Variants in COL25A1 observed in about 807,000 individuals in gnomAD.
The protein encoded by COL25A1 is collagen alpha-1(XXV) chain.
Under a neutral mutation model 128.4 loss-of-function variants are expected in COL25A1, and 103 were observed. The ratio of observed to expected loss-of-function variants is 0.80; its 90% CI spans 0.68 to 0.94. The LOEUF (loss-of-function observed/expected upper bound fraction) is 0.94, where lower values mean the gene tolerates loss of function less well. Ranked by LOEUF, COL25A1 falls within the 40% of genes least tolerant of loss-of-function variation. The probability of loss-of-function intolerance (pLI) is 0.00; values close to 1 mark genes in which losing one functional copy is unlikely to be tolerated. For missense variants in COL25A1, 745 were observed against 840.0 expected (o/e 0.89, Z 1.40); for synonymous variants, 279 against 277.2 (o/e 1.01, Z -0.06).
chr4:108,859,663 G>A lies in COL25A1; in HGVS notation c.1313C>T (p.Ala438Val). The stretch of plus-strand genomic sequence containing the variant: ...CAGGGACCAGTCACTTGCCTGTAAG[G>A]CTTCGTGGAGGTTGCCGTTGTAGTC... ...IIDYNGNLHE[A>V]LQRITTLTVT... The change falls in exon 24 of 38, where the codon GCC becomes GTC. Residue 438 changes from alanine to valine, a missense_variant. This residue lies in a region of COL25A1 where 387 missense variants were observed against 441.9 expected (regional missense o/e 0.88). Transcript: ENST00000399132. 6.2e-7 allele frequency: 1 copy of A among 1,613,542 alleles called. No individual in the cohort carries two copies. The highest frequency in any genetic ancestry group is 8.5e-7 in the Non-Finnish European group (1 of 1,179,778).
intron 3 of COL25A1, among the ~76,000 whole-genome samples, chr4:109,090,430 T>C (rs1040009282): frequency 2.0e-5 from 3 of 152,206 alleles, no homozygotes; most frequent in African/African-American, 7.2e-5. Flanking sequence ...GTATCTGTCA[T>C]CAGTCATTCT....
intron 22 of COL25A1, among the ~76,000 whole-genome samples, chr4:108,861,607 T>A (rs561779453): frequency 1.5e-4 from 23 of 152,274 alleles, no homozygotes; most frequent in Non-Finnish European, 2.9e-4. Context: ...CTTTTTTCAA[T>A]GCAATAGGAA....
intron 6 of COL25A1, among the ~76,000 whole-genome samples, chr4:108,997,896 CAGA>C (rs1464713183): frequency 1.3e-5 from 2 of 152,120 alleles, no homozygotes; most frequent in Non-Finnish European, 2.9e-5. Context: ...TCAATTGATG[CAGA>C]AAAGGCTTTA....
chr4:109,248,411 T>G (rs751742400), intron 3 of COL25A1, among the ~76,000 whole-genome samples: 11 of 152,192 alleles, frequency 7.2e-5, no homozygotes, highest in South Asian at 6.2e-4. Context: ...AGGGCAATTG[T>G]GTTGATGAAG....
chr4:109,250,369 T>TACACACACACACACACAC (rs61574026), intron 3 of COL25A1, among the ~76,000 whole-genome samples: 24,450 of 134,510 alleles, frequency 0.18, 2,516 homozygotes, highest in South Asian at 0.26. Flanking sequence ...AAGTAGGAGA[T>TACACACACACACACACAC]ACACACACAC....
At chr4:108,894,450 C>T (rs773747815) in intron 16 of COL25A1, among the ~76,000 whole-genome samples, 22 of 151,916 alleles carry the variant, frequency 1.4e-4, no homozygotes, top group African/African-American at 4.1e-4. Flanking sequence ...CAGTTGGCCA[C>T]CTGCAAGACC....
intron 8 of COL25A1, among the ~76,000 whole-genome samples, chr4:108,969,121 A>C (rs896455582): frequency 2.0e-5 from 3 of 152,176 alleles, no homozygotes; most frequent in Non-Finnish European, 2.9e-5. Context: ...TATCAGTGTC[A>C]GCCCTGATTT....
intron 18 of COL25A1, 134 bp from the exon 19 acceptor site, chr4:108,884,356 T>G: frequency 1.3e-6 from 1 of 742,966 alleles, no homozygotes; most frequent in Non-Finnish European, 2.2e-6. Context: ...TTTCAAAAAC[T>G]TTGATGAGAT....
chr4:108,906,457 TA>T (rs2125874931), intron 13 of COL25A1, among the ~76,000 whole-genome samples: 1 of 152,312 alleles, frequency 6.6e-6, no homozygotes, highest in Non-Finnish European at 1.5e-5. Flanking sequence ...TATAAAGGCA[TA>T]TGCCTGTGCC....
chr4:109,175,147 T>C (rs982998431), intron 3 of COL25A1, among the ~76,000 whole-genome samples: 1 of 152,140 alleles, frequency 6.6e-6, no homozygotes, highest in African/African-American at 2.4e-5. Context: ...GGACCTCTGT[T>C]ATAGACCATC....
chr4:109,229,256 T>C (rs1000121052), intron 3 of COL25A1, among the ~76,000 whole-genome samples: 1 of 152,238 alleles, frequency 6.6e-6, no homozygotes, highest in Non-Finnish European at 1.5e-5. Context: ...TTCTTGTTAT[T>C]TGCAAAAGTT....
chr4:109,197,191 C>T (rs535698458), intron 3 of COL25A1, among the ~76,000 whole-genome samples: 17 of 149,550 alleles, frequency 1.1e-4, no homozygotes, highest in African/African-American at 2.5e-4. Flanking sequence ...CCAGGTGTGG[C>T]GGTGCATGCC....
chr4:108,832,904 CTG>C (rs775960332), intron 31 of COL25A1, among the ~76,000 whole-genome samples: 2 of 151,586 alleles, frequency 1.3e-5, no homozygotes, highest in African/African-American at 4.8e-5. Flanking sequence ...GAGGCTGAGA[CTG>C]TAGTGAGCCA....
chr4:108,843,622 C>T (rs929762499), intron 30 of COL25A1, among the ~76,000 whole-genome samples: 2 of 152,206 alleles, frequency 1.3e-5, no homozygotes, highest in Non-Finnish European at 2.9e-5. Flanking sequence ...CTGCAGTTAA[C>T]ACTGGCCCTG....
intron 3 of COL25A1, among the ~76,000 whole-genome samples, chr4:109,216,986 GA>G (rs1270350207): frequency 6.6e-6 from 1 of 152,032 alleles, no homozygotes; most frequent in Non-Finnish European, 1.5e-5. Flanking sequence ...TTTTAAAAAG[GA>G]AATTCTTAGA....
intron 3 of COL25A1, among the ~76,000 whole-genome samples, chr4:109,250,306 G>A (rs1780559770): frequency 6.7e-6 from 1 of 149,454 alleles, no homozygotes; most frequent in Admixed American, 6.7e-5. Context: ...ATATCTGGGG[G>A]GGGAGGTAAA....
intron 5 of COL25A1, among the ~76,000 whole-genome samples, chr4:109,046,489 C>T (rs575729693): frequency 3.6e-4 from 55 of 152,308 alleles, no homozygotes; most frequent in African/African-American, 1.2e-3. Flanking sequence ...AAGCCTTGAA[C>T]ACTCTACTCC....
chr4:109,039,549 T>C (rs1430281784), intron 5 of COL25A1, among the ~76,000 whole-genome samples: 1 of 152,138 alleles, frequency 6.6e-6, no homozygotes, highest in African/African-American at 2.4e-5. Context: ...CCCCTCCACA[T>C]CTAAATCTGG....
intron 6 of COL25A1, among the ~76,000 whole-genome samples, chr4:109,010,059 C>T (rs187935091): frequency 5.3e-5 from 8 of 152,314 alleles, no homozygotes; most frequent in East Asian, 1.9e-4. Context: ...AGTTCATACT[C>T]GACTTTTATG....
Sources: allele counts gnomAD v4.1 joint callset (sites outside exome capture counted in the v4.1 genomes callset), GRCh38; gene constraint gnomAD v4.1.1; regional missense constraint gnomAD v4.1.1; transcripts MANE v1.5; gene names NCBI Gene and HGNC (gene_info 2026-07-23, HGNC 2026-07-21).